The following PTBP2 variants were observed in gnomAD, a reference collection of about 807,000 sequenced individuals.
PTBP2 encodes the protein polypyrimidine tract binding protein 2.
PTBP2 carries 13 observed loss-of-function variants against 61.4 expected under a neutral mutation model. That is an observed-to-expected ratio of 0.21 (90% confidence interval 0.14 to 0.34). PTBP2 has a LOEUF of 0.34. Among genes scored for constraint, PTBP2 ranks in the 10% least tolerant of loss-of-function variants. The pLI, the probability that PTBP2 is intolerant of heterozygous loss-of-function variation, is 1.00. For synonymous variants in PTBP2, 215 were observed against 218.5 expected, an observed-to-expected ratio of 0.98 and a Z score of 0.14; for missense variants, 405 against 642.6, an observed-to-expected ratio of 0.63 and a Z score of 4.00.
chr1:96,772,917 C>A (rs1248160313), intron 5 of PTBP2, among the ~76,000 whole-genome samples: 10 of 148,996 alleles, frequency 6.7e-5, no homozygotes, highest in African/African-American at 2.0e-4. Context: ...GTTCAAGACC[C>A]GCCTGACCAA....
At chr1:96,809,380 A>G (rs537163977) in intron 11 of PTBP2, among the ~76,000 whole-genome samples, 2 of 152,356 alleles carry the variant, frequency 1.3e-5, no homozygotes, top group South Asian at 4.1e-4. Flanking sequence ...AGCTTCAGCT[A>G]ATTTCAAAGA....
rs766823276 is a variant in PTBP2 at position 96,813,251 on chromosome 1, T to C, written c.1467-25T>C. ...CCCTTTCTAATTTGTATGAAGTGTC[T>C]AATTTTATAATTTTGTTTCAGAAGA... On this transcript the variant is annotated intron_variant, in intron 13 of 13. Transcript: ENST00000674951. The C allele has an allele frequency of 1.9e-6, 3 of 1,579,744 alleles. No individual in the cohort carries two copies. In the Admixed American group the frequency reaches 5.9e-5, roughly 31 times the overall value.
At chr1:96,793,426 G>A (rs1660055902) in intron 8 of PTBP2, among the ~76,000 whole-genome samples, 1 of 152,016 alleles carries the variant, frequency 6.6e-6, no homozygotes, top group African/African-American at 2.4e-5. Context: ...CTGGAGTGCA[G>A]TGGCGGGATC....
In PTBP2 at chr1:96,741,692, C is replaced by T. The variant is rs12746311; in HGVS notation, c.40-9733C>T. On this transcript the variant is annotated intron_variant, in intron 2 of 13. Transcript: ENST00000674951. ...TTTTAAAAAAACATTTAACCTAAGG[C>T]CTTACGTATAGGCTTGTGTATTTTA... 4.6e-3 allele frequency among the ~76,000 whole-genome samples: 700 copies of T among 152,152 alleles called. 3 individuals carry two copies. Among genetic ancestry groups the T allele is most frequent in the Non-Finnish European group, 8.1e-3 (552 of 68,012 alleles).
At chr1:96,739,770 C>T (rs956983527) in intron 2 of PTBP2, among the ~76,000 whole-genome samples, 4 of 151,224 alleles carry the variant, frequency 2.6e-5, no homozygotes, top group African/African-American at 7.3e-5. Flanking sequence ...CCCGCCACCA[C>T]GCCCGGCTAA....
At chr1:96,802,599 C>T (rs573330072) in intron 8 of PTBP2, among the ~76,000 whole-genome samples, 1 of 152,132 alleles carries the variant, frequency 6.6e-6, no homozygotes, top group African/African-American at 2.4e-5. Context: ...AAGATCTAGT[C>T]CAAATATCTT....
chr1:96,817,808 G>C (rs1438555524), downstream of PTBP2: 1 of 151,960 alleles, frequency 6.6e-6, no homozygotes, highest in Admixed American at 6.6e-5. Flanking sequence ...TATTCTGTAG[G>C]CTAAATTTCT....
intron 2 of PTBP2, among the ~76,000 whole-genome samples, chr1:96,727,479 T>TA (rs763407916): frequency 2.6e-5 from 4 of 152,194 alleles, no homozygotes; most frequent in Non-Finnish European, 5.9e-5. Flanking sequence ...TGCAAACTTT[T>TA]TAAAAGTAGT....
At chr1:96,748,390 T>C (rs1208346518) in intron 2 of PTBP2, among the ~76,000 whole-genome samples, 1 of 152,198 alleles carries the variant, frequency 6.6e-6, no homozygotes, top group African/African-American at 2.4e-5. Context: ...ATTTGTAACA[T>C]TGAAATGAGT....
intron 3 of PTBP2, among the ~76,000 whole-genome samples, chr1:96,754,102 C>T (rs1157066412): frequency 6.6e-6 from 1 of 152,030 alleles, no homozygotes; most frequent in Non-Finnish European, 1.5e-5. Context: ...TACTTAGACA[C>T]ATAGTAGTCA....
chr1:96,722,648 A>T (rs1358824861), intron 1 of PTBP2, among the ~76,000 whole-genome samples: 1 of 152,264 alleles, frequency 6.6e-6, no homozygotes, highest in Non-Finnish European at 1.5e-5. Context: ...ACATGGGCAA[A>T]GGCCAACAGC....
intron 2 of PTBP2, among the ~76,000 whole-genome samples, chr1:96,747,150 T>A (rs1653949935): frequency 6.6e-6 from 1 of 151,798 alleles, no homozygotes; most frequent in South Asian, 2.1e-4. Context: ...ATGTATAGTT[T>A]TAATGTGGCC....
rs369053938 is a variant in PTBP2, at chr1:96,734,903, C to CTTTTTTTTTTT, written c.39+11318_39+11328dup. ...CTCAATAATTGTCTCCTTTTTTTTTCTTTTTTTTTTTTTTTTTTTCCTGCT... is the reference window on the plus strand; with the variant it reads ...CTCAATAATTGTCTCCTTTTTTTTTCTTTTTTTTTTTTTTTTTTTTTTTTTTTTTTCCTGCT... On this transcript the variant is annotated intron_variant, in intron 2 of 13. Coordinates refer to ENST00000674951, the MANE Select transcript of PTBP2 (RefSeq NM_021190.4). Among the ~76,000 whole-genome samples the CTTTTTTTTTTT allele has an allele frequency of 2.5e-3, 313 of 124,808 alleles. 1 individual carries two copies. Among genetic ancestry groups the CTTTTTTTTTTT allele is most frequent in the Non-Finnish European group, 3.0e-3 (182 of 60,702 alleles). The allele number at this position is 124,808 out of a possible 152,430, so 81.9% of individuals were successfully genotyped here.
Position 96,813,334 on chromosome 1 carries a change from A to G in PTBP2, c.1525A>G (p.Ile509Val). 6.2e-7 allele frequency: 1 copy of G among 1,608,032 alleles called. No homozygotes were observed. Among genetic ancestry groups the G allele is most frequent in the Non-Finnish European group, 8.5e-7 (1 of 1,176,828 alleles). ...AGTGGAAGAAGCTATTCAGGCCTTG[A>G]TTGATCTTCATAATTATAACCTTGG... ...ATVEEAIQAL[I>V]DLHNYNLGEN... is the part of the protein sequence containing the mutation. Residue 509 changes from isoleucine to valine, a missense_variant, in exon 14 of 14, where the codon ATT (isoleucine) becomes GTT (valine). By Grantham distance (29) the Ile-to-Val change is conservative. Transcript: ENST00000674951.
At chr1:96,736,662 A>G (rs1652234856) in intron 2 of PTBP2, among the ~76,000 whole-genome samples, 1 of 152,106 alleles carries the variant, frequency 6.6e-6, no homozygotes, top group Non-Finnish European at 1.5e-5. Flanking sequence ...GAAATACATT[A>G]TGTGTGTTGC....
At chr1:96,819,460 C>CATT, downstream of PTBP2, 1 of 151,972 alleles carries the variant, frequency 6.6e-6, no homozygotes, top group Non-Finnish European at 1.5e-5. Context: ...CTTGTTGCTG[C>CATT]ATTAGCTGTC....
intron 3 of PTBP2, among the ~76,000 whole-genome samples, chr1:96,760,104 AGAG>A (rs1325457847): frequency 1.3e-5 from 2 of 152,092 alleles, no homozygotes; most frequent in South Asian, 2.1e-4. Flanking sequence ...TGGGAATTCA[AGAG>A]GAGATGTGGG....
intron 4 of PTBP2, 105 bp downstream of exon 4, chr1:96,769,980 A>G (rs1309643153): frequency 1.1e-6 from 1 of 935,030 alleles, no homozygotes. Context: ...CTTAAAGAAC[A>G]GAAGTCTTAT....
chr1:96,729,473 C>T (rs1453415893), intron 2 of PTBP2, among the ~76,000 whole-genome samples: 3 of 152,070 alleles, frequency 2.0e-5, no homozygotes, highest in African/African-American at 4.8e-5. Flanking sequence ...AATATCTTTT[C>T]CTTGCTCCTG....
Sources: gnomAD v4.1 joint callset for allele counts (sites outside exome capture counted in the v4.1 genomes callset) on GRCh38, gnomAD v4.1.1 for gene constraint, MANE v1.5 for transcripts, NCBI Gene and HGNC (gene_info 2026-07-23, HGNC 2026-07-21) for gene names.